The following TBC1D22A variants were observed in gnomAD, a reference collection of about 807,000 sequenced individuals.
The protein encoded by TBC1D22A is TBC1 domain family member 22A, also known as putative GTPase activator.
A neutral mutation model predicts 60.2 loss-of-function variants in TBC1D22A; 38 were observed. The observed-to-expected ratio is 0.63, with a 90% CI of 0.49 to 0.83. TBC1D22A has a LOEUF of 0.83. TBC1D22A is among the 40% of genes least tolerant of loss of function. TBC1D22A has a pLI of 0.00. For synonymous variants in TBC1D22A, 302 were observed against 281.7 expected, an observed-to-expected ratio of 1.07 and a Z score of -0.72; for missense variants, 628 against 701.0, an observed-to-expected ratio of 0.90 and a Z score of 1.18.
At chr22:47,172,064 GCACTCCCAGTGAGCCTAC>G (rs1214080770) in intron 12 of TBC1D22A, among the ~76,000 whole-genome samples, 3 of 113,526 alleles carry the variant, frequency 2.6e-5, no homozygotes, top group Non-Finnish European at 3.8e-5. Flanking sequence ...AGCCTACCCA[GCACTCCCAGTGAGCCTAC>G]CCAGCACTCC....
intron 4 of TBC1D22A, among the ~76,000 whole-genome samples, chr22:46,814,810 ATTT>A (rs554204065): frequency 7.4e-6 from 1 of 134,878 alleles, no homozygotes. Context: ...CACACTGGCT[ATTT>A]TTTTTTTTTT....
intron 9 of TBC1D22A, among the ~76,000 whole-genome samples, chr22:46,987,336 A>G (rs2074765647): frequency 6.6e-6 from 1 of 152,208 alleles, no homozygotes; most frequent in Admixed American, 6.5e-5. Context: ...ACTTGTATCT[A>G]GTAATCTTGC....
intron 12 of TBC1D22A, among the ~76,000 whole-genome samples, chr22:47,144,315 AG>A (rs2067214183): frequency 6.6e-6 from 1 of 152,154 alleles, no homozygotes; most frequent in South Asian, 2.1e-4. Context: ...CCTCTCTCCC[AG>A]AGGACGGCGT....
chr22:46,793,737 GGCTTCA>G lies in TBC1D22A; in HGVS notation c.359_364del (p.Leu120_Gln121del), dbSNP rs1161603716. 6.2e-7 allele frequency: 1 copy of G among 1,606,722 alleles called. No homozygotes were observed. Among genetic ancestry groups the G allele is most frequent in the Non-Finnish European group, 8.5e-7 (1 of 1,178,012 alleles). On this transcript the variant is annotated inframe_deletion, in exon 3 of 13. Coordinates refer to ENST00000337137, the MANE Select transcript of TBC1D22A (RefSeq NM_014346.5). ...CGGCCCACGCTGCAGGAGGGGCCAG[GGCTTCA>G]GCAGAAGCCCAGGCCCGAGGCAGAG...
intron 7 of TBC1D22A, among the ~76,000 whole-genome samples, chr22:46,897,767 CAT>C (rs760957364): frequency 1.2e-4 from 18 of 150,394 alleles, no homozygotes; most frequent in East Asian, 4.0e-4. Context: ...TTAGTTATCA[CAT>C]GTTTTTCTTG....
intron 10 of TBC1D22A, among the ~76,000 whole-genome samples, chr22:47,013,856 C>T (rs1054320869): frequency 2.6e-5 from 4 of 152,210 alleles, no homozygotes. Context: ...TCCCACTCTT[C>T]TCAGACCCAC....
intron 9 of TBC1D22A, among the ~76,000 whole-genome samples, chr22:46,983,957 G>A (rs956885877): frequency 4.6e-5 from 7 of 151,966 alleles, no homozygotes; most frequent in African/African-American, 1.7e-4. Flanking sequence ...TGTTGGCTTC[G>A]GGGCCTGAAG....
chr22:46,803,873 C>T (rs1262436778), intron 4 of TBC1D22A, among the ~76,000 whole-genome samples: 1 of 152,224 alleles, frequency 6.6e-6, no homozygotes, highest in Non-Finnish European at 1.5e-5. Flanking sequence ...CACCCAGATC[C>T]TTGCTGGCCC....
intron 8 of TBC1D22A, among the ~76,000 whole-genome samples, chr22:46,931,484 A>T (rs1473624280): frequency 2.0e-5 from 3 of 152,224 alleles, no homozygotes; most frequent in Non-Finnish European, 4.4e-5. Context: ...TAGCCCTCCT[A>T]ATATAAATGC....
intron 10 of TBC1D22A, among the ~76,000 whole-genome samples, chr22:47,000,130 T>G (rs1364453809): frequency 6.6e-6 from 1 of 152,138 alleles, no homozygotes; most frequent in East Asian, 1.9e-4. Flanking sequence ...CTTCATGGAC[T>G]CGTTGATTAA....
intron 11 of TBC1D22A, among the ~76,000 whole-genome samples, chr22:47,075,341 T>C (rs1004835693): frequency 6.6e-6 from 1 of 151,970 alleles, no homozygotes; most frequent in Admixed American, 6.6e-5. Context: ...TTCAATATCA[T>C]ATATCACATG....
In TBC1D22A at chr22:46,891,352, C is replaced by T. The variant is rs117270140; in HGVS notation, c.795C>T (p.Tyr265=). ...KEYFAFIEHY[Y]DSRNDEVHQD... is the part of the protein sequence containing the mutation. ...ATTTTGCATTTATTGAGCACTATTA[C>T]GATTCTAGGAACGACGAAGTTCACC... is the stretch of plus-strand genomic sequence containing the variant. Residue 265 remains tyrosine, a synonymous_variant, in exon 6 of 13, where the codon TAC becomes TAT. Transcript: ENST00000337137. The T allele has an allele frequency of 3.2e-5, 51 of 1,613,100 alleles. No homozygotes were observed. The East Asian group carries it at 5.4e-4, about 17-fold the overall frequency.
intron 11 of TBC1D22A, among the ~76,000 whole-genome samples, chr22:47,072,300 C>T (rs116155232): frequency 7.2e-4 from 109 of 152,302 alleles, no homozygotes; most frequent in African/African-American, 2.5e-3. Flanking sequence ...TCGTCCAGGC[C>T]ACAGCTTCTC....
intron 12 of TBC1D22A, among the ~76,000 whole-genome samples, chr22:47,158,407 G>T (rs1483322779): frequency 6.6e-6 from 1 of 152,198 alleles, no homozygotes; most frequent in African/African-American, 2.4e-5. Flanking sequence ...CACAAAAAAA[G>T]AAGAAAGGGG....
At chr22:47,040,390 A>G (rs781373848) in intron 11 of TBC1D22A, among the ~76,000 whole-genome samples, 2 of 152,140 alleles carry the variant, frequency 1.3e-5, no homozygotes, top group Non-Finnish European at 2.9e-5. Context: ...TTACAATTAG[A>G]CATGAGATTT....
chr22:46,957,134 AC>A (rs2073240196), intron 8 of TBC1D22A, among the ~76,000 whole-genome samples: 1 of 152,202 alleles, frequency 6.6e-6, no homozygotes, highest in Admixed American at 6.5e-5. Flanking sequence ...CAGCTGATGT[AC>A]CCATTGCAGG....
chr22:46,826,641 G>A (rs1278840402), intron 4 of TBC1D22A, among the ~76,000 whole-genome samples: 1 of 152,148 alleles, frequency 6.6e-6, no homozygotes, highest in African/African-American at 2.4e-5. Context: ...CTCCTGTGAG[G>A]CTCAGCAGGG....
chr22:47,039,936 T>C (rs1308012529), intron 11 of TBC1D22A, among the ~76,000 whole-genome samples: 1 of 15,252 alleles, frequency 6.6e-5, no homozygotes, highest in East Asian at 2.5e-3. Flanking sequence ...TGCCACAGCC[T>C]TTTTTTTTTT....
chr22:46,860,722 C>T (rs951968783), intron 4 of TBC1D22A, among the ~76,000 whole-genome samples: 1 of 152,208 alleles, frequency 6.6e-6, no homozygotes, highest in Non-Finnish European at 1.5e-5. Context: ...CGTCTTCTGG[C>T]GACAGGCGTC....
Sources: allele counts gnomAD v4.1 joint callset (sites outside exome capture counted in the v4.1 genomes callset), GRCh38; gene constraint gnomAD v4.1.1; transcripts MANE v1.5; gene names NCBI Gene and HGNC (gene_info 2026-07-23, HGNC 2026-07-21).